The following GRIP1 variants were observed in gnomAD, a reference collection of about 807,000 sequenced individuals.
GRIP1 encodes glutamate receptor interacting protein 1.
Under a neutral mutation model 129.9 loss-of-function variants are expected in GRIP1, and 45 were observed. The observed-to-expected ratio is 0.35, with a 90% CI of 0.27 to 0.44. GRIP1 has a LOEUF of 0.44. GRIP1 is among the 20% of genes least tolerant of loss of function. The pLI, the probability that GRIP1 is intolerant of heterozygous loss-of-function variation, is 1.00. For missense variants in GRIP1, 1,196 were observed against 1,396.8 expected, an observed-to-expected ratio of 0.86 and a Z score of 2.29; for synonymous variants, 530 against 520.8, an observed-to-expected ratio of 1.02 and a Z score of -0.24.
At chr12:66,377,660 T>A (rs1353710432) in intron 20 of GRIP1, among the ~76,000 whole-genome samples, 7 of 146,290 alleles carry the variant, frequency 4.8e-5, no homozygotes, top group African/African-American at 1.8e-4. Context: ...TTTTTTTGGA[T>A]TCAGAATATC....
chr12:66,648,565 C>T (rs757978902), intron 1 of GRIP1, among the ~76,000 whole-genome samples: 8 of 152,208 alleles, frequency 5.3e-5, no homozygotes, highest in South Asian at 2.1e-4. Context: ...TTCTGAAAGA[C>T]GGAGTCTGCT....
intron 14 of GRIP1, among the ~76,000 whole-genome samples, chr12:66,422,781 A>G (rs957317673): frequency 6.6e-6 from 1 of 152,080 alleles, no homozygotes; most frequent in African/African-American, 2.4e-5. Flanking sequence ...CCATTTTCAC[A>G]TTTACTAGAT....
At chr12:66,384,940 C>T (rs995821751) in intron 19 of GRIP1, among the ~76,000 whole-genome samples, 1 of 152,160 alleles carries the variant, frequency 6.6e-6, no homozygotes, top group Non-Finnish European at 1.5e-5. Flanking sequence ...GAGGGAATAT[C>T]TGAGGAAAAT....
intron 1 of GRIP1, among the ~76,000 whole-genome samples, chr12:66,813,909 T>G (rs569830476): frequency 6.6e-6 from 1 of 152,184 alleles, no homozygotes. Flanking sequence ...TCTGGTTGTT[T>G]ATGGAAAATG....
intron 1 of GRIP1, among the ~76,000 whole-genome samples, chr12:66,857,397 A>C (rs556194846): frequency 1.3e-5 from 2 of 152,182 alleles, no homozygotes; most frequent in East Asian, 3.9e-4. Flanking sequence ...TAATTTTCAC[A>C]TTAAAAATAG....
At chr12:67,064,715 G>T (rs538404968) in intron 1 of GRIP1, among the ~76,000 whole-genome samples, 1 of 152,100 alleles carries the variant, frequency 6.6e-6, no homozygotes, top group Non-Finnish European at 1.5e-5. Context: ...TGTAGTAAAG[G>T]TCTACTCCTT....
At chr12:66,659,989 GC>G (rs1173527576) in intron 1 of GRIP1, among the ~76,000 whole-genome samples, 4 of 152,112 alleles carry the variant, frequency 2.6e-5, no homozygotes, top group Non-Finnish European at 5.9e-5. Context: ...GATTCTATTT[GC>G]TGTACCAAGA....
chr12:66,481,608 A>C (rs560711970), intron 7 of GRIP1, among the ~76,000 whole-genome samples: 49 of 152,316 alleles, frequency 3.2e-4, no homozygotes, highest in African/African-American at 1.2e-3. Context: ...GTATATACCC[A>C]AAGGATTATA....
At chr12:66,667,957 T>C (rs1214677409) in intron 1 of GRIP1, among the ~76,000 whole-genome samples, 1 of 152,170 alleles carries the variant, frequency 6.6e-6, no homozygotes, top group East Asian at 1.9e-4. Context: ...TTGTATTTGC[T>C]CTGGATTGTA....
chr12:66,799,548 C>G (rs1356192282), intron 1 of GRIP1, among the ~76,000 whole-genome samples: 4 of 152,108 alleles, frequency 2.6e-5, no homozygotes, highest in Non-Finnish European at 5.9e-5. Flanking sequence ...GTGCTTCCCT[C>G]TCTCCTTCCT....
intron 1 of GRIP1, among the ~76,000 whole-genome samples, chr12:66,834,979 C>A (rs1310310850): frequency 6.7e-6 from 1 of 149,320 alleles, no homozygotes; most frequent in East Asian, 2.0e-4. Flanking sequence ...TGATAAGCTA[C>A]ACTTTATTAA....
chr12:66,876,309 C>G (rs913196840), intron 1 of GRIP1, among the ~76,000 whole-genome samples: 2 of 151,878 alleles, frequency 1.3e-5, no homozygotes, highest in Non-Finnish European at 2.9e-5. Context: ...CATAGCTCTC[C>G]TCTAAAAAAT....
intron 7 of GRIP1, among the ~76,000 whole-genome samples, chr12:66,514,081 C>T (rs1416003649): frequency 1.3e-5 from 2 of 152,154 alleles, no homozygotes; most frequent in African/African-American, 2.4e-5. Flanking sequence ...TTACAGAATA[C>T]TGTTCTTGTC....
chr12:67,003,221 A>T (rs1388537507), intron 1 of GRIP1, among the ~76,000 whole-genome samples: 1 of 152,080 alleles, frequency 6.6e-6, no homozygotes, highest in African/African-American at 2.4e-5. Flanking sequence ...ACTCCAATAT[A>T]CCAATTTGTT....
chr12:66,583,279 C>T (rs74818498), intron 2 of GRIP1, among the ~76,000 whole-genome samples: 32,086 of 144,582 alleles, frequency 0.22, 3,044 homozygotes, highest in Admixed American at 0.25. Context: ...AAGACTTAAA[C>T]GTTAGACCTA....
At chr12:66,863,599 G>C (rs973664800) in intron 1 of GRIP1, among the ~76,000 whole-genome samples, 1 of 152,044 alleles carries the variant, frequency 6.6e-6, no homozygotes, top group African/African-American at 2.4e-5. Flanking sequence ...AATGTTCTGA[G>C]AAGTGTATGC....
At chr12:66,576,339 G>T (rs866970437) in intron 2 of GRIP1, among the ~76,000 whole-genome samples, 1 of 152,214 alleles carries the variant, frequency 6.6e-6, no homozygotes, top group Non-Finnish European at 1.5e-5. Context: ...CTCTGCCGGG[G>T]ATGCTGCAAA....
In GRIP1 at chr12:66,348,388, T is replaced by C. The variant is rs991448031; in HGVS notation, c.*631A>G. Reference sequence around the variant, plus strand: ...ATATCCTGTTTGATAATTTGTTGCATAGGGAATAGCATACATCTTAGTTAA... The same window carrying C: ...ATATCCTGTTTGATAATTTGTTGCACAGGGAATAGCATACATCTTAGTTAA... On this transcript the variant is annotated 3_prime_UTR_variant, in exon 25 of 25. Transcript: ENST00000359742. 2 of 152,830 alleles carry C rather than the reference T, an allele frequency of 1.3e-5. No individual in the cohort carries two copies. Among genetic ancestry groups the C allele is most frequent in the African/African-American group, 2.4e-5 (1 of 41,448 alleles). 9.5% of individuals were successfully genotyped at this position (152,830 alleles called of 1,614,324 possible).
intron 1 of GRIP1, among the ~76,000 whole-genome samples, chr12:66,958,122 T>C (rs1013964240): frequency 1.4e-4 from 22 of 152,114 alleles, no homozygotes; most frequent in Admixed American, 6.6e-5. Context: ...TTGAATGAAA[T>C]ACATGGATTT....
Sources: gnomAD v4.1 joint callset for allele counts (sites outside exome capture counted in the v4.1 genomes callset) on GRCh38, gnomAD v4.1.1 for gene constraint, MANE v1.5 for transcripts, NCBI Gene and HGNC (gene_info 2026-07-23, HGNC 2026-07-21) for gene names.